The following SYNCRIP variants were observed in gnomAD, a reference collection of about 807,000 sequenced individuals.
The protein encoded by SYNCRIP is synaptotagmin binding cytoplasmic RNA interacting protein.
SYNCRIP carries 9 observed loss-of-function variants against 68.9 expected under a neutral mutation model. The observed-to-expected ratio is 0.13, with a 90% CI of 0.08 to 0.23. The LOEUF (loss-of-function observed/expected upper bound fraction) is 0.23, where lower values mean the gene tolerates loss of function less well. Among genes scored for constraint, SYNCRIP ranks in the 10% least tolerant of loss-of-function variants. The pLI is 1.00. For synonymous variants in SYNCRIP, 258 were observed against 254.0 expected (o/e 1.02, Z -0.15); for missense variants, 414 against 770.6 (o/e 0.54, Z 5.48).
intron 6 of SYNCRIP, among the ~76,000 whole-genome samples, chr6:85,631,013 A>G (rs952580725): frequency 3.3e-5 from 5 of 152,166 alleles, no homozygotes; most frequent in African/African-American, 1.2e-4. Flanking sequence ...AACCCCTACG[A>G]AAGCAGAACA....
chr6:85,624,035 G>C lies in SYNCRIP; in HGVS notation c.744C>G (p.Gly248=), dbSNP rs1806757176. The change falls in exon 7 of 11, where the codon GGC becomes GGG. Residue 248 remains glycine (G), a synonymous_variant. Transcript: ENST00000369622. The part of the protein sequence containing the change: ...ISVANNRLFV[G]SIPKSKTKEQ... ...CCTTGGTTTTACTCTTAGGAATAGA[G>C]CCCACAAAAAGCCTATTGTTGGCAA... The C allele has an allele frequency of 1.2e-6, 2 of 1,613,732 alleles. No individual in the cohort carries two copies. The highest frequency in any genetic ancestry group is 2.2e-5 in the South Asian group (2 of 91,080).
upstream of SYNCRIP, chr6:85,643,280 C>G (rs1046077510): frequency 6.6e-6 from 1 of 152,272 alleles, no homozygotes; most frequent in Non-Finnish European, 1.5e-5. Context: ...CGGCCCGGTC[C>G]CCCAGTCCCT....
At chr6:85,626,122 T>C (rs1279289889) in intron 6 of SYNCRIP, among the ~76,000 whole-genome samples, 1 of 152,190 alleles carries the variant, frequency 6.6e-6, no homozygotes, top group East Asian at 1.9e-4. Flanking sequence ...TAATAATCTT[T>C]TAACAGCAGA....
At chr6:85,625,544 T>A (rs1003114430) in intron 6 of SYNCRIP, among the ~76,000 whole-genome samples, 1 of 151,966 alleles carries the variant, frequency 6.6e-6, no homozygotes, top group Admixed American at 6.6e-5. Flanking sequence ...CCTGCCACCA[T>A]GCCCGGCTAT....
chr6:85,634,350 T>C lies in SYNCRIP; in HGVS notation c.666+2617A>G, dbSNP rs538442249. On this transcript the variant is annotated intron_variant, in intron 6 of 10. Transcript: ENST00000369622. ...AAGTTATAGTGGTCACCTACCATAA[T>C]TGGTACATTTTGACGGCAAGAATTA... Among the ~76,000 whole-genome samples, 16 of 152,290 alleles carry C rather than the reference T, an allele frequency of 1.1e-4. 1 individual carries two copies. In the East Asian group the frequency reaches 2.1e-3, roughly 20 times the overall value.
Position 85,640,425 on chromosome 6 carries a change from TCA to T in SYNCRIP, c.267+19_267+20del. 2 of 1,589,860 alleles carry T rather than the reference TCA, an allele frequency of 1.3e-6. No individual in the cohort carries two copies. The highest frequency in any genetic ancestry group is 3.5e-5 in the Admixed American group (2 of 56,616). ...CAAAACTACTCAAATTTTTTAATTT[TCA>T]CATTGACATTAACATTACCTGAACA... On this transcript the variant is annotated intron_variant, in intron 3 of 10. Transcript: ENST00000369622.
chr6:85,637,080 C>A lies in SYNCRIP; in HGVS notation c.553G>T (p.Ala185Ser). The A allele has an allele frequency of 6.2e-7, 1 of 1,614,080 alleles. No homozygotes were observed. The highest frequency in any genetic ancestry group is 8.5e-7 in the Non-Finnish European group (1 of 1,180,028). Residue 185 changes from alanine (A) to serine (S), a missense_variant, in exon 6 of 11, where the codon GCT becomes TCT. This residue lies in a region of SYNCRIP where 110 missense variants were observed against 269.3 expected (regional missense o/e 0.41). Coordinates refer to ENST00000369622, the MANE Select transcript of SYNCRIP (RefSeq NM_006372.5). ...EDELVPLFEK[A>S]GPIWDLRLMM... ...AGACGAAGATCCCATATAGGTCCAG[C>A]TTTCTCAAATAATGGAACAAGTTCA...
downstream of SYNCRIP, chr6:85,610,789 G>GT (rs1805175792): frequency 6.6e-6 from 1 of 152,128 alleles, no homozygotes; most frequent in Non-Finnish European, 1.5e-5. Flanking sequence ...GCTACATTTA[G>GT]TTTACCCACT....
At chr6:85,626,471 G>C (rs1807043491) in intron 6 of SYNCRIP, among the ~76,000 whole-genome samples, 1 of 151,872 alleles carries the variant, frequency 6.6e-6, no homozygotes, top group South Asian at 2.1e-4. Context: ...ATGAGGGGGG[G>C]AACTGGTATT....
chr6:85,632,488 C>G (rs1452176788), intron 6 of SYNCRIP, among the ~76,000 whole-genome samples: 1 of 152,074 alleles, frequency 6.6e-6, no homozygotes. Context: ...TATTCATGTC[C>G]GCAAATGAAT....
chr6:85,631,339 C>CCAAAAAAAAAAAAA (rs1807753967), intron 6 of SYNCRIP, among the ~76,000 whole-genome samples: 2 of 91,808 alleles, frequency 2.2e-5, no homozygotes, highest in Non-Finnish European at 2.0e-5. Flanking sequence ...ACTGTGTCTC[C>CCAAAAAAAAAAAAA]AAAAAAAAAA....
chr6:85,640,394 T>C (rs202008062), intron 3 of SYNCRIP, 52 bp downstream of exon 3: 21 of 1,581,388 alleles, frequency 1.3e-5, no homozygotes, highest in Admixed American at 1.7e-5. Flanking sequence ...ATTCAGCAGA[T>C]AGTATCAAAA....
intron 1 of SYNCRIP, 41 bp from the exon 2 acceptor site, chr6:85,641,492 A>G (rs1809139970): frequency 1.6e-5 from 25 of 1,579,722 alleles, no homozygotes; most frequent in Non-Finnish European, 2.0e-5. Context: ...AGGATCTTCA[A>G]AAAGAATACA....
Position 85,622,467 on chromosome 6 carries a change from C to T in SYNCRIP, c.1008+15G>A. On this transcript the variant is annotated intron_variant, in intron 8 of 10. Transcript: ENST00000369622. Reference sequence around the variant, plus strand: ...TTAATCCCTCAAAAAATATTTTTAACTTGACTATCATTACCTTTGCCATAA... The same window carrying T: ...TTAATCCCTCAAAAAATATTTTTAATTTGACTATCATTACCTTTGCCATAA... 7.0e-7 allele frequency: 1 copy of T among 1,428,126 alleles called. No individual in the cohort carries two copies. The highest frequency in any genetic ancestry group is 9.5e-7 in the Non-Finnish European group (1 of 1,049,198). The allele number at this position is 1,428,126 out of a possible 1,614,324, so 88.5% of individuals were successfully genotyped here.
chr6:85,639,068 C>T (rs779023474), intron 4 of SYNCRIP, among the ~76,000 whole-genome samples: 6 of 151,994 alleles, frequency 3.9e-5, no homozygotes, highest in African/African-American at 4.8e-5. Flanking sequence ...ATCAGCTGGG[C>T]CTGGTGGCAC....
Position 85,640,269 on chromosome 6 carries a change from C to A in SYNCRIP, c.327G>T (p.Gly109=). 1.2e-6 allele frequency: 2 copies of A among 1,613,814 alleles called. No individual in the cohort carries two copies. Among genetic ancestry groups the A allele is most frequent in the Middle Eastern group, 1.7e-4 (1 of 6,058 alleles). ...MKTYRQREKQ[G]TKVADSSKGP... is the part of the protein sequence containing the mutation. ...CTTTACTAGAATCTGCTACTTTGGTCCCTTGTTTTTCTCTCTGCCTGTAAG... is the reference window on the plus strand; with the variant it reads ...CTTTACTAGAATCTGCTACTTTGGTACCTTGTTTTTCTCTCTGCCTGTAAG... The change falls in exon 4 of 11, where the codon GGG becomes GGT. Residue 109 remains glycine (G), a synonymous_variant. Coordinates refer to ENST00000369622, the MANE Select transcript of SYNCRIP (RefSeq NM_006372.5).
chr6:85,623,564 A>C (rs1414375381), intron 7 of SYNCRIP, among the ~76,000 whole-genome samples: 6 of 55,446 alleles, frequency 1.1e-4, no homozygotes, highest in South Asian at 6.9e-4. Context: ...ACTGTCTCCA[A>C]AAAAAAAAAA....
intron 6 of SYNCRIP, among the ~76,000 whole-genome samples, chr6:85,629,909 A>G (rs1320570501): frequency 1.3e-5 from 2 of 151,566 alleles, no homozygotes; most frequent in East Asian, 3.9e-4. Flanking sequence ...TCCTGAACCC[A>G]GGAGACAGAG....
upstream of SYNCRIP, chr6:85,643,093 T>TACCACC (rs200487128): frequency 3.4e-3 from 494 of 143,382 alleles, no homozygotes; most frequent in African/African-American, 0.012. Flanking sequence ...CTTCTCCCCC[T>TACCACC]ACCACCACCA....
Sources: allele counts gnomAD v4.1 joint callset (sites outside exome capture counted in the v4.1 genomes callset), GRCh38; gene constraint gnomAD v4.1.1; regional missense constraint gnomAD v4.1.1; transcripts MANE v1.5; gene names NCBI Gene and HGNC (gene_info 2026-07-23, HGNC 2026-07-21).